The following GRIK2 variants were observed in gnomAD, a reference collection of about 807,000 sequenced individuals.
The protein encoded by GRIK2 is glutamate receptor ionotropic, kainate 2.
In GRIK2, 32 loss-of-function variants were observed where a neutral mutation model predicts 100.3. The ratio of observed to expected loss-of-function variants is 0.32; its 90% confidence interval spans 0.24 to 0.43. GRIK2 has a LOEUF of 0.43. Among genes scored for constraint, GRIK2 ranks in the 20% least tolerant of loss-of-function variants. GRIK2 has a pLI of 1.00. For missense variants in GRIK2, 843 were observed against 1,114.9 expected, an observed-to-expected ratio of 0.76 and a Z score of 3.47; for synonymous variants, 417 against 389.4, an observed-to-expected ratio of 1.07 and a Z score of -0.83.
chr6:101,832,331 A>T (rs1020190174), intron 10 of GRIK2, among the ~76,000 whole-genome samples: 2 of 152,182 alleles, frequency 1.3e-5, no homozygotes, highest in Non-Finnish European at 2.9e-5. Context: ...TATCTAAGAA[A>T]AAAACCCCAA....
At chr6:101,793,135 G>T (rs868649398) in intron 7 of GRIK2, among the ~76,000 whole-genome samples, 3 of 152,000 alleles carry the variant, frequency 2.0e-5, no homozygotes, top group Admixed American at 6.6e-5. Context: ...GTTTTCAACT[G>T]CTTTGCCTTT....
chr6:101,603,772 T>C (rs1179768199), intron 2 of GRIK2, among the ~76,000 whole-genome samples: 3 of 151,758 alleles, frequency 2.0e-5, no homozygotes, highest in Non-Finnish European at 4.4e-5. Flanking sequence ...TAGAGAACTA[T>C]GTATTGTGTG....
intron 7 of GRIK2, among the ~76,000 whole-genome samples, chr6:101,743,300 C>A (rs1776166055): frequency 6.6e-6 from 1 of 152,138 alleles, no homozygotes; most frequent in Non-Finnish European, 1.5e-5. Context: ...GTTTATATCG[C>A]TTAGCTATGT....
chr6:101,656,337 A>G (rs1156725165), intron 4 of GRIK2, among the ~76,000 whole-genome samples: 13 of 151,888 alleles, frequency 8.6e-5, no homozygotes, highest in Non-Finnish European at 1.5e-5. Context: ...ATGATAAATG[A>G]CAATAAGAAA....
In GRIK2 at chr6:101,924,711, T is replaced by C; in HGVS notation, c.1859T>C (p.Met620Thr). The change falls in exon 13 of 17, where the codon ATG becomes ACG. Residue 620 changes from methionine (M) to threonine (T), a missense_variant. Around this residue, in one of 3 missense-constraint regions of GRIK2, gnomAD observed 237 missense variants for 388.0 expected, o/e 0.61. Coordinates refer to ENST00000369134, the MANE Select transcript of GRIK2 (RefSeq NM_021956.5). ...TTCTGGTTTGGAGTTGGAGCTCTCA[T>C]GCAGCAAGGTATACGATTCAGCCTG... Reference protein sequence around the residue: ...NSFWFGVGALMQQGSELMPKA... With the variant: ...NSFWFGVGALTQQGSELMPKA... 6.3e-7 allele frequency: 1 copy of C among 1,574,938 alleles called. No individual in the cohort carries two copies. Among genetic ancestry groups the C allele is most frequent in the Non-Finnish European group, 8.7e-7 (1 of 1,144,254 alleles).
At chr6:101,607,205 A>G (rs568625772) in intron 2 of GRIK2, among the ~76,000 whole-genome samples, 3 of 152,066 alleles carry the variant, frequency 2.0e-5, no homozygotes, top group South Asian at 2.1e-4. Flanking sequence ...TGGCTTATGT[A>G]TATTTATAGT....
At chr6:102,016,820 A>G (rs995023237) in intron 14 of GRIK2, among the ~76,000 whole-genome samples, 1 of 152,150 alleles carries the variant, frequency 6.6e-6, no homozygotes, top group Non-Finnish European at 1.5e-5. Context: ...AAGACACATC[A>G]TCATCAGATT....
chr6:102,062,903 G>GTTA (rs890965237), intron 16 of GRIK2, among the ~76,000 whole-genome samples: 1 of 150,156 alleles, frequency 6.7e-6, no homozygotes, highest in East Asian at 1.9e-4. Flanking sequence ...TTCCATTTTA[G>GTTA]TTATTATTAT....
chr6:101,748,072 C>A (rs1290450318), intron 7 of GRIK2, among the ~76,000 whole-genome samples: 1 of 152,122 alleles, frequency 6.6e-6, no homozygotes, highest in Non-Finnish European at 1.5e-5. Context: ...AATTATGTTA[C>A]TGCAGTCACT....
chr6:101,733,027 C>T (rs28435227), intron 7 of GRIK2, among the ~76,000 whole-genome samples: 18,445 of 152,070 alleles, frequency 0.12, 1,320 homozygotes, highest in South Asian at 0.2. Context: ...CTACATACTA[C>T]CACATTGGGA....
rs182764593 is a variant in GRIK2, at chr6:101,890,832, A to G, written c.1748+969A>G. ...ATTGTGCCTCAGGACTGATGACTCT[A>G]TTGACATGGAGTTAAGCCACATATT... On this transcript the variant is annotated intron_variant, in intron 12 of 16. Transcript: ENST00000369134. Among the ~76,000 whole-genome samples, 38 of 151,976 alleles carry G rather than the reference A, an allele frequency of 2.5e-4. 1 individual carries two copies. In the East Asian group the frequency reaches 6.4e-3, roughly 26 times the overall value.
chr6:101,528,005 C>T (rs1775238243), intron 2 of GRIK2, among the ~76,000 whole-genome samples: 1 of 151,482 alleles, frequency 6.6e-6, no homozygotes. Context: ...TGGCATAGGA[C>T]TGCTGGGTTC....
At chr6:101,859,156 T>C in intron 10 of GRIK2, 131 bp from the exon 11 acceptor site, 1 of 579,426 alleles carries the variant, frequency 1.7e-6, no homozygotes, top group Non-Finnish European at 3.1e-6. Context: ...TTAATTATAA[T>C]TAGAAGAAAA....
intron 2 of GRIK2, among the ~76,000 whole-genome samples, chr6:101,525,638 T>C (rs1048621335): frequency 6.6e-6 from 1 of 152,222 alleles, no homozygotes; most frequent in Non-Finnish European, 1.5e-5. Context: ...ATCATTCATA[T>C]AGTTTTATAC....
intron 4 of GRIK2, among the ~76,000 whole-genome samples, chr6:101,673,203 T>A (rs944900551): frequency 6.6e-6 from 1 of 152,096 alleles, no homozygotes; most frequent in South Asian, 2.1e-4. Context: ...GCAAAAGACA[T>A]GAAAAGACAC....
At chr6:101,433,439 A>G (rs1377047984) in intron 2 of GRIK2, among the ~76,000 whole-genome samples, 1 of 152,158 alleles carries the variant, frequency 6.6e-6, no homozygotes, top group Admixed American at 6.6e-5. Flanking sequence ...ATTAGCAACT[A>G]CTTCTTAGGA....
At chr6:101,541,681 G>A (rs1171047718) in intron 2 of GRIK2, among the ~76,000 whole-genome samples, 1 of 151,988 alleles carries the variant, frequency 6.6e-6, no homozygotes, top group African/African-American at 2.4e-5. Context: ...ATGTACTTAA[G>A]TAAAACAGTT....
In GRIK2 at chr6:101,841,513, A is replaced by G. The variant is rs982713171; in HGVS notation, c.1318-17774A>G. Among the ~76,000 whole-genome samples, 26 of 151,844 alleles carry G rather than the reference A, an allele frequency of 1.7e-4. 1 individual carries two copies. Among genetic ancestry groups the G allele is most frequent in the Admixed American group, 3.9e-4 (6 of 15,248 alleles). On this transcript the variant is annotated intron_variant, in intron 10 of 16. Coordinates refer to ENST00000369134, the MANE Select transcript of GRIK2 (RefSeq NM_021956.5). ...CGAGTAGCTGGGATTACAGGCACCC[A>G]CCACCATGCCCGGCTAAGTTTTGTA...
intron 7 of GRIK2, among the ~76,000 whole-genome samples, chr6:101,774,934 G>A: frequency 6.6e-6 from 1 of 152,062 alleles, no homozygotes; most frequent in East Asian, 1.9e-4. Context: ...AGGCAAAGTA[G>A]TCATTTTCTG....
Sources: allele counts gnomAD v4.1 joint callset (sites outside exome capture counted in the v4.1 genomes callset), GRCh38; gene constraint gnomAD v4.1.1; regional missense constraint gnomAD v4.1.1; transcripts MANE v1.5; gene names NCBI Gene and HGNC (gene_info 2026-07-23, HGNC 2026-07-21).